HOOK1: variants seen among roughly 807,000 people sequenced by gnomAD.
The protein encoded by HOOK1 is hook microtubule tethering protein 1.
Under a neutral mutation model 112.8 loss-of-function variants are expected in HOOK1, and 60 were observed. The observed-to-expected ratio is 0.53, with a 90% confidence interval of 0.43 to 0.66. The LOEUF (loss-of-function observed/expected upper bound fraction) is 0.66, where lower values mean the gene tolerates loss of function less well. Among genes scored for constraint, HOOK1 ranks in the 30% least tolerant of loss-of-function variants. The pLI is 0.00. For missense variants in HOOK1, 770 were observed against 856.0 expected (o/e 0.90, Z 1.25); for synonymous variants, 294 against 283.8 (o/e 1.04, Z -0.36).
Position 59,836,921 on chromosome 1 carries a change from G to A in HOOK1, c.523G>A (p.Glu175Lys), listed in dbSNP as rs1259340781. 4 of 1,596,062 alleles carry A rather than the reference G, an allele frequency of 2.5e-6. No individual in the cohort carries two copies. The highest frequency in any genetic ancestry group is 3.4e-5 in the Admixed American group (2 of 59,540). The change falls in exon 7 of 22, where the codon GAA (glutamate) becomes AAA (lysine). Residue 175 changes from glutamate (E) to lysine (K), a missense_variant. This residue lies in a region of HOOK1 where 655 missense variants were observed against 725.9 expected (regional missense o/e 0.90). Transcript: ENST00000371208. ...CTCTCCTCCAAATGATGCTGTTGGA[G>A]AATTGGAGCAACAGGTGAGTATTTT... is the stretch of plus-strand genomic sequence containing the variant. The part of the protein sequence containing the change: ...LSSPPNDAVG[E>K]LEQQLKRALE...
intron 1 of HOOK1, among the ~76,000 whole-genome samples, chr1:59,819,090 A>G (rs2098383637): frequency 6.6e-6 from 1 of 151,396 alleles, no homozygotes; most frequent in Non-Finnish European, 1.5e-5. Context: ...TTAGTTAGAA[A>G]GAATACATTT....
intron 13 of HOOK1, among the ~76,000 whole-genome samples, chr1:59,858,761 G>GGGAA (rs202046503): frequency 1.4e-4 from 20 of 146,678 alleles, no homozygotes; most frequent in Admixed American, 5.5e-4. Context: ...GAAAGAAGGA[G>GGGAA]GGAAGGAAGG....
intron 12 of HOOK1, 121 bp downstream of exon 12, chr1:59,849,304 T>C (rs2098405853): frequency 3.5e-6 from 2 of 570,198 alleles, no homozygotes; most frequent in African/African-American, 3.9e-5. Flanking sequence ...TTGAATTTTT[T>C]GACATAAAAG....
At chr1:59,869,773 T>C (rs1052883849) in intron 20 of HOOK1, among the ~76,000 whole-genome samples, 1 of 152,172 alleles carries the variant, frequency 6.6e-6, no homozygotes, top group Non-Finnish European at 1.5e-5. Flanking sequence ...GGGAGATTTG[T>C]CTGAAGAAAT....
intron 1 of HOOK1, among the ~76,000 whole-genome samples, chr1:59,816,945 C>T (rs759210266): frequency 2.6e-5 from 4 of 152,206 alleles, no homozygotes; most frequent in Admixed American, 6.5e-5. Context: ...GTTTCTCTCA[C>T]ATTCCTCTTA....
rs1553464155 is a variant in HOOK1 at position 59,855,966 on chromosome 1, T to TA, written c.1243-2462_1243-2461insA. ...TTTATATATATATATATATAAATTA[T>TA]TATATATATATATATATATTTTTTT... On this transcript the variant is annotated intron_variant, in intron 12 of 21. Transcript: ENST00000371208. 7.0e-3 allele frequency among the ~76,000 whole-genome samples: 495 copies of TA among 71,010 alleles called. 5 individuals carry two copies. Among genetic ancestry groups the TA allele is most frequent in the African/African-American group, 0.029 (428 of 14,860 alleles). 46.6% of individuals were successfully genotyped at this position (71,010 alleles called of 152,430 possible).
At chr1:59,825,218 A>G (rs139859397) in intron 2 of HOOK1, among the ~76,000 whole-genome samples, 1 of 152,340 alleles carries the variant, frequency 6.6e-6, no homozygotes, top group Non-Finnish European at 1.5e-5. Context: ...CCTTATTTCA[A>G]TCACACTCAC....
rs1479673634 is a variant in HOOK1, at chr1:59,868,338, T to C, written c.1934T>C (p.Ile645Thr). The C allele has an allele frequency of 6.3e-7, 1 of 1,591,758 alleles. No individual in the cohort carries two copies. Among genetic ancestry groups the C allele is most frequent in the African/African-American group, 1.3e-5 (1 of 74,494 alleles). The part of the protein sequence containing the change: ...RKQLAEKERR[I>T]EILESECKVA... ...CAGTTGGCAGAGAAAGAGAGAAGAA[T>C]TGAGATTCTGGAGGTAAAACTTTTA... The change falls in exon 20 of 22, where the codon ATT becomes ACT. Residue 645 changes from isoleucine to threonine, a missense_variant. By Grantham distance (89) the Ile-to-Thr change is moderately conservative. Transcript: ENST00000371208.
At chr1:59,834,240 T>G (rs2098396036) in intron 5 of HOOK1, among the ~76,000 whole-genome samples, 1 of 152,184 alleles carries the variant, frequency 6.6e-6, no homozygotes, top group Admixed American at 6.6e-5. Context: ...AGAATAATGT[T>G]GAGTGCTTAA....
chr1:59,870,701 G>A (rs1436310761), intron 20 of HOOK1, among the ~76,000 whole-genome samples: 2 of 152,078 alleles, frequency 1.3e-5, no homozygotes, highest in Non-Finnish European at 2.9e-5. Context: ...CCCTCCACGG[G>A]TGCAGCTCTG....
intron 20 of HOOK1, among the ~76,000 whole-genome samples, chr1:59,869,050 C>T (rs1479992959): frequency 6.6e-6 from 1 of 152,124 alleles, no homozygotes; most frequent in Non-Finnish European, 1.5e-5. Context: ...TTTTACAAAG[C>T]TACTGTATTT....
chr1:59,860,199 T>C lies in HOOK1; in HGVS notation c.1403T>C (p.Ile468Thr), dbSNP rs779910019. The C allele has an allele frequency of 3.7e-6, 6 of 1,601,894 alleles. No homozygotes were observed. The highest frequency in any genetic ancestry group is 5.1e-6 in the Non-Finnish European group (6 of 1,175,402). ...IMPVEYREVF[I>T]RLQHENKMLR... ...CTTTGTAACATCAGGGAGGTGTTTA[T>C]TCGACTGCAACATGAAAATAAGATG... Residue 468 changes from isoleucine to threonine, a missense_variant, in exon 15 of 22, where the codon ATT becomes ACT. This residue lies in a region of HOOK1 where 655 missense variants were observed against 725.9 expected (regional missense o/e 0.90). Transcript: ENST00000371208.
intron 2 of HOOK1, among the ~76,000 whole-genome samples, chr1:59,826,868 T>C (rs2098390341): frequency 6.6e-6 from 1 of 152,242 alleles, no homozygotes; most frequent in African/African-American, 2.4e-5. Context: ...GTTCAAGCGA[T>C]GCTCCTGCCT....
chr1:59,836,993 A>G lies in HOOK1; in HGVS notation c.537+58A>G, dbSNP rs1382975464. The G allele has an allele frequency of 1.2e-5, 13 of 1,064,484 alleles. No homozygotes were observed. In the Admixed American group the frequency reaches 1.8e-4, roughly 15 times the overall value. The allele number at this position is 1,064,484 out of a possible 1,614,324, so 65.9% of individuals were successfully genotyped here. On this transcript the variant is annotated intron_variant, in intron 7 of 21. Transcript: ENST00000371208. ...AAGCAATGTTAGGGTTTCTTTGCCA[A>G]TTACTCTCATAAGGCTTACAAAGAG...
chr1:59,821,952 TG>T lies in HOOK1; in HGVS notation c.149+11del. The T allele has an allele frequency of 6.2e-7, 1 of 1,601,434 alleles. No individual in the cohort carries two copies. Among genetic ancestry groups the T allele is most frequent in the Non-Finnish European group, 8.6e-7 (1 of 1,169,520 alleles). On this transcript the variant is annotated intron_variant, in intron 2 of 21. Transcript: ENST00000371208. ...CAAGTTCTTCATCAAATGTGAGTAGTGGTCAGACTCTCCCTGAAAAGCATTG... is the reference window on the plus strand; with the variant it reads ...CAAGTTCTTCATCAAATGTGAGTAGTGTCAGACTCTCCCTGAAAAGCATTG...
At chr1:59,823,220 T>TGAGGCAGGAGAATGGCGTGAACCTGG (rs1238998632) in intron 2 of HOOK1, among the ~76,000 whole-genome samples, 1 of 152,182 alleles carries the variant, frequency 6.6e-6, no homozygotes, top group African/African-American at 2.4e-5. Flanking sequence ...CTCGGGAGGC[T>TGAGGCAGGAGAATGGCGTGAACCTGG]GAGGCAGGAG....
chr1:59,828,743 A>C, intron 2 of HOOK1, 37 bp from the exon 3 acceptor site: 1 of 1,592,270 alleles, frequency 6.3e-7, no homozygotes, highest in South Asian at 1.1e-5. Flanking sequence ...TAATAAAAAC[A>C]TTTTCATCTT....
At chr1:59,815,224 G>A (rs1216212133) in intron 1 of HOOK1, 44 bp downstream of exon 1, 2 of 1,527,826 alleles carry the variant, frequency 1.3e-6, no homozygotes, top group Non-Finnish European at 1.8e-6. Flanking sequence ...AGGGGGCCGA[G>A]GCGAGGAGCC....
chr1:59,844,237 G>A (rs1362803247), intron 9 of HOOK1, among the ~76,000 whole-genome samples: 1 of 151,876 alleles, frequency 6.6e-6, no homozygotes, highest in Non-Finnish European at 1.5e-5. Flanking sequence ...ATTTGCTTTA[G>A]CAATCTCTGT....
Sources: gnomAD v4.1 joint callset for allele counts (sites outside exome capture counted in the v4.1 genomes callset) on GRCh38, gnomAD v4.1.1 for gene constraint, gnomAD v4.1.1 regional missense constraint, MANE v1.5 for transcripts, NCBI Gene and HGNC (gene_info 2026-07-23, HGNC 2026-07-21) for gene names.